The following CFAP61 variants were observed in gnomAD, a reference collection of about 807,000 sequenced individuals.
The protein encoded by CFAP61 is cilia- and flagella-associated protein 61.
CFAP61 carries 107 observed loss-of-function variants against 135.6 expected under a neutral mutation model. That is an observed-to-expected ratio of 0.79 (90% CI 0.67 to 0.93). The LOEUF (loss-of-function observed/expected upper bound fraction) is 0.93. CFAP61 is among the 40% of genes least tolerant of loss of function. CFAP61 has a pLI of 0.00. For missense variants in CFAP61, 1,507 were observed against 1,556.2 expected (o/e 0.97, Z 0.53); for synonymous variants, 575 against 578.5 (o/e 0.99, Z 0.09).
At chr20:20,070,341 T>C (rs971771566) in intron 2 of CFAP61, among the ~76,000 whole-genome samples, 1 of 152,190 alleles carries the variant, frequency 6.6e-6, no homozygotes, top group East Asian at 1.9e-4. Flanking sequence ...TGCTTGAGAA[T>C]GGTAACTGAG....
intron 25 of CFAP61, among the ~76,000 whole-genome samples, chr20:20,329,777 G>A (rs375731077): frequency 7.3e-4 from 111 of 152,302 alleles, no homozygotes; most frequent in African/African-American, 2.4e-3. Flanking sequence ...GTGCCTCCAC[G>A]CTTTCCCGGG....
chr20:20,229,961 G>A (rs1034446131), intron 18 of CFAP61, among the ~76,000 whole-genome samples: 1 of 152,182 alleles, frequency 6.6e-6, no homozygotes, highest in Non-Finnish European at 1.5e-5. Context: ...CTTTTGAACA[G>A]CAAGTTTTAT....
intron 17 of CFAP61, among the ~76,000 whole-genome samples, chr20:20,210,367 C>T (rs930211312): frequency 5.9e-5 from 9 of 152,236 alleles, no homozygotes; most frequent in Non-Finnish European, 1.0e-4. Flanking sequence ...GAAGCATCAA[C>T]TTTGACTTTT....
chr20:20,077,298 A>G (rs2046122505), intron 6 of CFAP61, among the ~76,000 whole-genome samples: 2 of 152,232 alleles, frequency 1.3e-5, no homozygotes, highest in South Asian at 4.1e-4. Flanking sequence ...GTTTATGCTG[A>G]GTGAAGGCAG....
At position 20,288,476 on chromosome 20, in the gene CFAP61, A is replaced by G. The variant is rs1475430963; in HGVS notation, c.2797-133A>G. On this transcript the variant is annotated intron_variant, in intron 22 of 26. Coordinates refer to ENST00000245957, the MANE Select transcript of CFAP61 (RefSeq NM_015585.4). ...ATCTATCTCTCATACGCACACAAAC[A>G]ACATGATAGCAAACTTTTAGTATGT... 4.2e-6 allele frequency: 3 copies of G among 712,172 alleles called. No homozygotes were observed. In the African/African-American group the frequency reaches 5.3e-5, roughly 13 times the overall value. 44.1% of individuals were successfully genotyped at this position (712,172 alleles called of 1,614,324 possible).
chr20:20,349,652 T>A (rs1036193728), intron 26 of CFAP61, among the ~76,000 whole-genome samples: 2 of 152,176 alleles, frequency 1.3e-5, no homozygotes, highest in East Asian at 3.8e-4. Flanking sequence ...TATAATAGCA[T>A]TAAAAAGAAT....
intron 1 of CFAP61, among the ~76,000 whole-genome samples, chr20:20,052,946 C>T (rs2043875519): frequency 6.6e-6 from 1 of 152,044 alleles, no homozygotes; most frequent in Non-Finnish European, 1.5e-5. Context: ...AAATAATTAA[C>T]TCTAAGGCTT....
chr20:20,128,701 C>T (rs548628078), intron 8 of CFAP61, among the ~76,000 whole-genome samples: 1 of 151,822 alleles, frequency 6.6e-6, no homozygotes, highest in East Asian at 1.9e-4. Context: ...CTAGTCCTGC[C>T]TCCCGTCCGC....
chr20:20,165,101 C>A (rs766565886), intron 11 of CFAP61, among the ~76,000 whole-genome samples: 1 of 152,202 alleles, frequency 6.6e-6, no homozygotes, highest in Non-Finnish European at 1.5e-5. Flanking sequence ...CAAACCATAT[C>A]ACCCTACTTC....
intron 19 of CFAP61, among the ~76,000 whole-genome samples, chr20:20,246,539 T>C (rs2050472307): frequency 6.6e-6 from 1 of 152,200 alleles, no homozygotes; most frequent in Non-Finnish European, 1.5e-5. Flanking sequence ...GGTGACTACA[T>C]TTGCATCTGA....
At chr20:20,339,015 T>C (rs1223556688) in intron 25 of CFAP61, among the ~76,000 whole-genome samples, 2 of 152,186 alleles carry the variant, frequency 1.3e-5, no homozygotes, top group African/African-American at 2.4e-5. Context: ...GAGACAGTAA[T>C]GTCTTCTATT....
chr20:20,275,332 G>A (rs1396073506), intron 21 of CFAP61, among the ~76,000 whole-genome samples: 2 of 152,186 alleles, frequency 1.3e-5, no homozygotes, highest in Admixed American at 6.5e-5. Context: ...GCATTATTAT[G>A]ATGATAACTG....
chr20:20,304,303 T>TGTGTGTGTGTGA (rs754913257), intron 25 of CFAP61, among the ~76,000 whole-genome samples: 9 of 147,576 alleles, frequency 6.1e-5, no homozygotes, highest in Admixed American at 2.7e-4. Flanking sequence ...TGTGTGTGTG[T>TGTGTGTGTGTGA]GAGAGAGAGA....
At chr20:20,144,342 T>G (rs2051680205) in intron 9 of CFAP61, among the ~76,000 whole-genome samples, 2 of 152,170 alleles carry the variant, frequency 1.3e-5, no homozygotes, top group Admixed American at 1.3e-4. Flanking sequence ...TAACTGTATG[T>G]TCCAAAGGTT....
chr20:20,103,966 A>G (rs1472953891), intron 8 of CFAP61, among the ~76,000 whole-genome samples: 1 of 152,244 alleles, frequency 6.6e-6, no homozygotes, highest in Non-Finnish European at 1.5e-5. Context: ...AGATCTGGGC[A>G]GCATGAATCT....
At chr20:20,316,094 A>T (rs1454635372) in intron 25 of CFAP61, among the ~76,000 whole-genome samples, 11 of 151,850 alleles carry the variant, frequency 7.2e-5, no homozygotes, top group Admixed American at 7.2e-4. Flanking sequence ...TGGTAGCTTG[A>T]TGGGGATGGC....
At chr20:20,269,164 C>CACACCCAT (rs372986717) in intron 21 of CFAP61, among the ~76,000 whole-genome samples, 1 of 112,548 alleles carries the variant, frequency 8.9e-6, no homozygotes, top group African/African-American at 3.2e-5. Flanking sequence ...CACACACACA[C>CACACCCAT]ATACATATAT....
intron 20 of CFAP61, among the ~76,000 whole-genome samples, chr20:20,256,303 T>C (rs1213083935): frequency 2.0e-5 from 3 of 152,032 alleles, no homozygotes; most frequent in Non-Finnish European, 4.4e-5. Flanking sequence ...AAAGGACAAC[T>C]AGAATAAAAA....
chr20:20,119,550 AC>A (rs2049447025), intron 8 of CFAP61, among the ~76,000 whole-genome samples: 1 of 151,898 alleles, frequency 6.6e-6, no homozygotes, highest in South Asian at 2.1e-4. Context: ...CCTTTCAAAA[AC>A]CAATTTTTCA....
Sources: gnomAD v4.1 joint callset for allele counts (sites outside exome capture counted in the v4.1 genomes callset) on GRCh38, gnomAD v4.1.1 for gene constraint, MANE v1.5 for transcripts, NCBI Gene and HGNC (gene_info 2026-07-23, HGNC 2026-07-21) for gene names.